Variants in ILDR2 observed in about 807,000 individuals in gnomAD.
The protein encoded by ILDR2 is immunoglobulin like domain containing receptor 2.
Under a neutral mutation model 66.8 loss-of-function variants are expected in ILDR2, and 25 were observed. That is an observed-to-expected ratio of 0.37 (90% CI 0.27 to 0.52). The LOEUF is 0.52. ILDR2 is among the 20% of genes least tolerant of loss of function. The pLI, the probability that ILDR2 is intolerant of heterozygous loss-of-function variation, is 0.88. For synonymous variants in ILDR2, 367 were observed against 357.2 expected, an observed-to-expected ratio of 1.03 and a Z score of -0.31; for missense variants, 827 against 876.8, an observed-to-expected ratio of 0.94 and a Z score of 0.72.
chr1:166,955,772 A>G (rs1662243379), intron 3 of ILDR2, among the ~76,000 whole-genome samples: 1 of 152,108 alleles, frequency 6.6e-6, no homozygotes, highest in African/African-American at 2.4e-5. Context: ...TTTCTCTACA[A>G]TTTTTATATA....
At chr1:166,949,105 A>G (rs1268620306) in intron 3 of ILDR2, among the ~76,000 whole-genome samples, 1 of 152,250 alleles carries the variant, frequency 6.6e-6, no homozygotes, top group Non-Finnish European at 1.5e-5. Flanking sequence ...TCACAGCCTC[A>G]GCACTATTTC....
In ILDR2 at chr1:166,919,283, G is replaced by A. The variant is rs1659761029; in HGVS notation, c.*72C>T. On this transcript the variant is annotated 3_prime_UTR_variant, in exon 10 of 10. Coordinates refer to ENST00000271417, the MANE Select transcript of ILDR2 (RefSeq NM_199351.3). ...GGCCAGAGAAGGTCCTGGGCCTGCT[G>A]GTTCTTAGATTTGTGTCTTGTCCCC... 1 of 1,427,148 alleles carries A rather than the reference G, an allele frequency of 7.0e-7. No homozygotes were observed. Among genetic ancestry groups the A allele is most frequent in the Admixed American group, 1.8e-5 (1 of 56,840 alleles). The allele number at this position is 1,427,148 out of a possible 1,614,324, so 88.4% of individuals were successfully genotyped here.
chr1:166,950,318 C>T (rs919538582), intron 3 of ILDR2, among the ~76,000 whole-genome samples: 31 of 152,202 alleles, frequency 2.0e-4, no homozygotes, highest in African/African-American at 7.5e-4. Context: ...TCCAAGGAGG[C>T]TGTTGCCATG....
intron 1 of ILDR2, among the ~76,000 whole-genome samples, chr1:166,958,634 G>A (rs1414736495): frequency 1.3e-5 from 2 of 152,102 alleles, no homozygotes; most frequent in Non-Finnish European, 2.9e-5. Flanking sequence ...CAGTGTGAGA[G>A]CGGACCAATA....
chr1:166,912,751 G>C lies in ILDR2; in HGVS notation c.*6604C>G, dbSNP rs995741221. ...TTTATCACTTCTTTTGCTAACAAAGGTTTTTAATTGCCTCCTCTTAATTAT... is the reference window on the plus strand; with the variant it reads ...TTTATCACTTCTTTTGCTAACAAAGCTTTTTAATTGCCTCCTCTTAATTAT... On this transcript the variant is annotated 3_prime_UTR_variant, in exon 10 of 10. Coordinates refer to ENST00000271417, the MANE Select transcript of ILDR2 (RefSeq NM_199351.3). 1 of 152,184 alleles carries C rather than the reference G, an allele frequency of 6.6e-6. No individual in the cohort carries two copies. Among genetic ancestry groups the C allele is most frequent in the Non-Finnish European group, 1.5e-5 (1 of 68,026 alleles). 9.4% of individuals were successfully genotyped at this position (152,184 alleles called of 1,614,324 possible).
chr1:166,963,749 C>A (rs896294345), intron 1 of ILDR2, among the ~76,000 whole-genome samples: 7 of 152,172 alleles, frequency 4.6e-5, no homozygotes, highest in Non-Finnish European at 1.0e-4. Flanking sequence ...ATATTTCCAA[C>A]CCTTTGACTA....
chr1:166,930,654 C>T (rs1487299457), intron 6 of ILDR2, among the ~76,000 whole-genome samples: 8 of 152,200 alleles, frequency 5.3e-5, no homozygotes, highest in African/African-American at 1.9e-4. Context: ...GGTCCCTCCT[C>T]TCCAAGGATG....
intron 2 of ILDR2, among the ~76,000 whole-genome samples, chr1:166,897,782 A>G (rs1171249221): frequency 6.6e-6 from 1 of 152,240 alleles, no homozygotes; most frequent in Non-Finnish European, 1.5e-5. Flanking sequence ...TGTTCTATGC[A>G]TCTTTCTTTT....
intron 5 of ILDR2, 127 bp from the exon 6 acceptor site, chr1:166,935,604 G>C (rs1199734499): frequency 2.5e-6 from 2 of 815,612 alleles, no homozygotes; most frequent in Non-Finnish European, 1.9e-6. Flanking sequence ...GTGAGCGTTT[G>C]TTCTTCTAAA....
chr1:166,963,811 G>T (rs1429428753), intron 1 of ILDR2, among the ~76,000 whole-genome samples: 1 of 152,060 alleles, frequency 6.6e-6, no homozygotes, highest in Admixed American at 6.5e-5. Context: ...GTAACTGAAG[G>T]AGTTCCTGGG....
At chr1:166,906,361 A>T (rs1659350140), downstream of ILDR2, among the ~76,000 whole-genome samples, 1 of 152,232 alleles carries the variant, frequency 6.6e-6, no homozygotes, top group Non-Finnish European at 1.5e-5. Flanking sequence ...TGGGGCTCTT[A>T]GCTCAGCCTG....
chr1:166,917,995 T>C lies in ILDR2; in HGVS notation c.*1360A>G, dbSNP rs1659707892. 1 of 152,224 alleles carries C rather than the reference T, an allele frequency of 6.6e-6. No individual in the cohort carries two copies. Among genetic ancestry groups the C allele is most frequent in the East Asian group, 1.9e-4 (1 of 5,196 alleles). The allele number at this position is 152,224 out of a possible 1,614,324, so 9.4% of individuals were successfully genotyped here. A position where few individuals can be genotyped will look rare whatever the true frequency, so the allele number is the denominator to read the frequency against. ...GCTTGTGTCACATTTGTTGGGCTAC[T>C]GGCTAAATCAAATCACATAGCCAAC... On this transcript the variant is annotated 3_prime_UTR_variant, in exon 10 of 10. Transcript: ENST00000271417.
At chr1:166,972,854 C>G (rs951047805) in intron 1 of ILDR2, among the ~76,000 whole-genome samples, 11 of 152,164 alleles carry the variant, frequency 7.2e-5, no homozygotes, top group Non-Finnish European at 1.5e-4. Context: ...CTTTCTACCA[C>G]CCCCTCAAAA....
chr1:166,903,984 C>T (rs1404979636), downstream of ILDR2, among the ~76,000 whole-genome samples: 1 of 152,210 alleles, frequency 6.6e-6, no homozygotes. Flanking sequence ...ATTTTCAACA[C>T]TGATCCTTTT....
At chr1:166,944,446 T>G (rs1360951823) in intron 3 of ILDR2, among the ~76,000 whole-genome samples, 1 of 152,180 alleles carries the variant, frequency 6.6e-6, no homozygotes. Context: ...ACAAGAACTA[T>G]TAAATCTTCC....
chr1:166,938,886 G>T (rs1661139863), intron 4 of ILDR2, among the ~76,000 whole-genome samples: 1 of 152,180 alleles, frequency 6.6e-6, no homozygotes, highest in Non-Finnish European at 1.5e-5. Context: ...GGCTTGTCTA[G>T]GTTGGTGGAT....
intron 7 of ILDR2, among the ~76,000 whole-genome samples, chr1:166,923,686 A>T (rs1335157458): frequency 6.6e-6 from 1 of 152,246 alleles, no homozygotes; most frequent in Non-Finnish European, 1.5e-5. Flanking sequence ...CTAATTTCCT[A>T]AAGTGGCCTA....
At chr1:166,938,870 G>A (rs1661137995) in intron 4 of ILDR2, among the ~76,000 whole-genome samples, 1 of 152,180 alleles carries the variant, frequency 6.6e-6, no homozygotes, top group East Asian at 1.9e-4. Flanking sequence ...GTACCAAACT[G>A]ATGTTGGCTT....
In ILDR2 at chr1:166,936,215, C is replaced by A. The variant is rs72707824; in HGVS notation, c.703+376G>T. On this transcript the variant is annotated intron_variant, in intron 5 of 9. Transcript: ENST00000271417. This position sits in a 1 kb window ranked among gnomAD's most constrained non-coding sequence, Gnocchi z 5.0. ...CACACTCTTCTCATATAAAAAGGAA[C>A]TTCTCTGCATGGGAAGGGAACGACC... is the stretch of plus-strand genomic sequence containing the variant. Among the ~76,000 whole-genome samples, 2,222 of 152,304 alleles carry A rather than the reference C, an allele frequency of 0.015. 22 individuals carry two copies. The highest frequency in any genetic ancestry group is 0.025 in the African/African-American group (1,027 of 41,554).
Sources: gnomAD v4.1 joint callset for allele counts (sites outside exome capture counted in the v4.1 genomes callset) on GRCh38, gnomAD v4.1.1 for gene constraint, Gnocchi (gnomAD v3.1) non-coding constraint, MANE v1.5 for transcripts, NCBI Gene and HGNC (gene_info 2026-07-23, HGNC 2026-07-21) for gene names.